The following BMP1 variants were observed in gnomAD, a reference collection of about 807,000 sequenced individuals.
BMP1 encodes mammalian tolloid protein.
BMP1 carries 63 observed loss-of-function variants against 116.8 expected under a neutral mutation model. The observed-to-expected ratio is 0.54, with a 90% CI of 0.44 to 0.67. The LOEUF is 0.67. Among genes scored for constraint, BMP1 ranks in the 30% least tolerant of loss-of-function variants. The pLI is 0.00. For synonymous variants in BMP1, 536 were observed against 533.4 expected, an observed-to-expected ratio of 1.00 and a Z score of -0.07; for missense variants, 1,183 against 1,358.9, an observed-to-expected ratio of 0.87 and a Z score of 2.04.
rs1360114449 is a variant in BMP1, at chr8:22,173,654, G to A, written c.201G>A (p.Gln67=). The A allele has an allele frequency of 1.2e-6, 2 of 1,613,758 alleles. No homozygotes were observed. Among genetic ancestry groups the A allele is most frequent in the South Asian group, 1.1e-5 (1 of 91,048 alleles). The change falls in exon 2 of 20, where the codon CAG becomes CAA. Residue 67 remains glutamine, a synonymous_variant. Coordinates refer to ENST00000306385, the MANE Select transcript of BMP1 (RefSeq NM_006129.5). ...ACGAAGAGGACCTGAGGGCCTTCCA[G>A]GTACAGCAGGCTGTGGATCTCAGAC... ...ALDEEDLRAF[Q]VQQAVDLRRH...
Position 22,207,358 on chromosome 8 carries a change from A to G in BMP1, c.2417A>G (p.Glu806Gly), listed in dbSNP as rs1358887996. The change falls in exon 18 of 20, where the codon GAG becomes GGG. Residue 806 changes from glutamate to glycine, a missense_variant. This residue lies in a region of BMP1 where 956 missense variants were observed against 1,135.2 expected (regional missense o/e 0.84). Coordinates refer to ENST00000306385, the MANE Select transcript of BMP1 (RefSeq NM_006129.5). ...CCTGAGTGTGCCTACGACCACCTAG[A>G]GGTGTTCGACGGGCGAGACGCCAAG... The part of the protein sequence containing the change: ...SQPECAYDHL[E>G]VFDGRDAKAP... 6.2e-6 allele frequency: 10 copies of G among 1,613,878 alleles called. No individual in the cohort carries two copies. The South Asian group carries it at 6.6e-5, about 11-fold the overall frequency.
At chr8:22,178,107 T>C in intron 6 of BMP1, 150 bp downstream of exon 6, 1 of 660,890 alleles carries the variant, frequency 1.5e-6, no homozygotes. Flanking sequence ...AGAGGGTCCG[T>C]GGATGTTGCC....
Position 22,177,135 on chromosome 8 carries a change from G to T in BMP1, c.726G>T (p.Gln242His). Residue 242 changes from glutamine (Q) to histidine (H), a missense_variant, in exon 5 of 20, where the codon CAG becomes CAT. Physicochemically the swap from Gln to His is conservative, Grantham distance 24. This residue lies in a region of BMP1 where 956 missense variants were observed against 1,135.2 expected (regional missense o/e 0.84). Transcript: ENST00000306385. ...TTTCCATCGTTCGTGAGAACATCCAGCCAGGTAGGTACCTGCCCCTCGGTG... is the reference window on the plus strand; with the variant it reads ...TTTCCATCGTTCGTGAGAACATCCATCCAGGTAGGTACCTGCCCCTCGGTG... ...RHVSIVRENI[Q>H]PGQEYNFLKM... The T allele has an allele frequency of 6.2e-7, 1 of 1,603,706 alleles. No homozygotes were observed.
At chr8:22,181,918 A>G (rs1828633984) in intron 8 of BMP1, among the ~76,000 whole-genome samples, 1 of 152,048 alleles carries the variant, frequency 6.6e-6, no homozygotes, top group South Asian at 2.1e-4. Flanking sequence ...TTGCTCCAGT[A>G]CTTTCCTCAA....
rs568073532 is a variant in BMP1 at position 22,191,217 on chromosome 8, C to T, written c.1078-832C>T. Among the ~76,000 whole-genome samples the T allele has an allele frequency of 4.6e-5, 7 of 152,292 alleles. No homozygotes were observed. The East Asian group carries it at 5.8e-4, about 13-fold the overall frequency. Reference sequence around the variant, plus strand: ...GGTAGGGACTCTTCTCCCCATTGCACGCAGGACATAGCAGAGGCTCAGAGG... The same window carrying T: ...GGTAGGGACTCTTCTCCCCATTGCATGCAGGACATAGCAGAGGCTCAGAGG... On this transcript the variant is annotated intron_variant, in intron 8 of 19. Transcript: ENST00000306385.
At chr8:22,206,374 C>T (rs1001730955) in intron 16 of BMP1, among the ~76,000 whole-genome samples, 1 of 151,864 alleles carries the variant, frequency 6.6e-6, no homozygotes, top group Non-Finnish European at 1.5e-5. Flanking sequence ...TGGTGGCGCA[C>T]GTCTGTAATC....
At chr8:22,176,786 G>A in intron 4 of BMP1, 136 bp downstream of exon 4, 1 of 1,074,234 alleles carries the variant, frequency 9.3e-7, no homozygotes, top group African/African-American at 1.5e-5. Context: ...ATCTACCCAG[G>A]AACTGCCCCC....
intron 17 of BMP1, 132 bp from the exon 18 acceptor site, chr8:22,207,171 C>A: frequency 1.5e-6 from 2 of 1,361,846 alleles, no homozygotes; most frequent in East Asian, 2.3e-5. Context: ...ATTCCTGGGC[C>A]CTCCTTCACT....
intron 2 of BMP1, among the ~76,000 whole-genome samples, chr8:22,175,710 T>C (rs1307278447): frequency 1.3e-5 from 2 of 152,192 alleles, no homozygotes; most frequent in Non-Finnish European, 2.9e-5. Flanking sequence ...ACACGTATGT[T>C]CTCTGTGAGG....
At chr8:22,176,476 G>A in intron 3 of BMP1, 57 bp from the exon 4 acceptor site, 2 of 1,585,610 alleles carry the variant, frequency 1.3e-6, no homozygotes, top group South Asian at 2.2e-5. Flanking sequence ...TTCAGTGGTG[G>A]GTAGGGGGTG....
Position 22,196,805 on chromosome 8 carries a change from C to G in BMP1, c.1891C>G (p.Leu631Val). The change falls in exon 14 of 20, where the codon CTG (leucine) becomes GTG (valine). Residue 631 changes from leucine (L) to valine (V), a missense_variant. Transcript: ENST00000306385. The stretch of plus-strand genomic sequence containing the variant: ...GGCCCCCACCCAGTACCGCATCTCC[C>G]TGCAGTTTGACTTCTTTGAGACAGA... ...LVAPTQYRIS[L>V]QFDFFETEGN... The G allele has an allele frequency of 3.1e-6, 5 of 1,614,074 alleles. No homozygotes were observed. Among genetic ancestry groups the G allele is most frequent in the Non-Finnish European group, 4.2e-6 (5 of 1,179,966 alleles).
In BMP1 at chr8:22,194,836, A is replaced by G; in HGVS notation, c.1556A>G (p.Lys519Arg). 5.0e-6 allele frequency: 8 copies of G among 1,613,116 alleles called. No individual in the cohort carries two copies. The highest frequency in any genetic ancestry group is 6.8e-6 in the Non-Finnish European group (8 of 1,179,654). Reference sequence around the variant, plus strand: ...GGCTATGAGAAGCCTGATGACATCAAGAGCACGTCCAGCCGCCTCTGGCTC... The same window carrying G: ...GGCTATGAGAAGCCTGATGACATCAGGAGCACGTCCAGCCGCCTCTGGCTC... Reference protein sequence around the residue: ...YCGYEKPDDIKSTSSRLWLKF... With the variant: ...YCGYEKPDDIRSTSSRLWLKF... Residue 519 changes from lysine (K) to arginine (R), a missense_variant, in exon 12 of 20, where the codon AAG becomes AGG. Transcript: ENST00000306385. This position sits in a 1 kb window ranked among gnomAD's most constrained non-coding sequence, Gnocchi z 4.5.
In BMP1 at chr8:22,196,928, G is replaced by T. The variant is rs73225864; in HGVS notation, c.1926+88G>T. 75,068 of 1,448,522 alleles carry T rather than the reference G, an allele frequency of 0.052. 2,415 individuals are homozygous for T. Among genetic ancestry groups the T allele is most frequent in the Admixed American group, 0.096 (4,272 of 44,722 alleles). The allele number at this position is 1,448,522 out of a possible 1,614,324, so 89.7% of individuals were successfully genotyped here. On this transcript the variant is annotated intron_variant, in intron 14 of 19. Coordinates refer to ENST00000306385, the MANE Select transcript of BMP1 (RefSeq NM_006129.5). ...TGCCTGCTTCCTGTCCTCTGAGAGG[G>T]GGCCCGGCAGAAACACTCTGCAAAT...
intron 13 of BMP1, 64 bp downstream of exon 13, chr8:22,195,651 T>G (rs1278967808): frequency 2.6e-5 from 10 of 378,230 alleles, no homozygotes; most frequent in Non-Finnish European, 4.0e-5. Context: ...CTGCCCAGAA[T>G]TTTTTTTTTT....
chr8:22,201,047 C>T, intron 15 of BMP1: 2 of 1,150,064 alleles, frequency 1.7e-6, no homozygotes, highest in Non-Finnish European at 2.4e-6. Context: ...GTTTTCACTG[C>T]TGTCCCTCCC....
At chr8:22,166,582 A>C (rs1291501874) in intron 1 of BMP1, among the ~76,000 whole-genome samples, 1 of 152,050 alleles carries the variant, frequency 6.6e-6, no homozygotes, top group Non-Finnish European at 1.5e-5. Context: ...ACTTCAGCTC[A>C]TCTCCAAATA....
intron 18 of BMP1, among the ~76,000 whole-genome samples, chr8:22,208,908 G>T (rs1456097329): frequency 6.6e-6 from 1 of 152,174 alleles, no homozygotes; most frequent in East Asian, 1.9e-4. Flanking sequence ...TGGGGAGGAG[G>T]GTGGCCCCAT....
chr8:22,209,812 C>A, intron 19 of BMP1, 117 bp downstream of exon 19: 2 of 1,178,258 alleles, frequency 1.7e-6, no homozygotes, highest in Non-Finnish European at 2.4e-6. Context: ...AAGTTGAGTG[C>A]AGCACGCGTG....
intron 14 of BMP1, 147 bp downstream of exon 14, chr8:22,196,987 C>A: frequency 1.6e-6 from 2 of 1,242,664 alleles, no homozygotes; most frequent in Non-Finnish European, 1.1e-6. Flanking sequence ...TCACGAAGCA[C>A]AGGAGGCCCA....
Sources: allele counts gnomAD v4.1 joint callset (sites outside exome capture counted in the v4.1 genomes callset), GRCh38; gene constraint gnomAD v4.1.1; regional missense constraint gnomAD v4.1.1; non-coding constraint Gnocchi (gnomAD v3.1); transcripts MANE v1.5; gene names NCBI Gene and HGNC (gene_info 2026-07-23, HGNC 2026-07-21).